Variants in NRP2 observed in about 807,000 individuals in gnomAD.
The protein encoded by NRP2 is neuropilin-2.
Under a neutral mutation model 110.4 loss-of-function variants are expected in NRP2, and 52 were observed. The ratio of observed to expected loss-of-function variants is 0.47; its 90% CI spans 0.38 to 0.59. NRP2 has a LOEUF of 0.59. Among genes scored for constraint, NRP2 ranks in the 20% least tolerant of loss-of-function variants. The pLI, the probability that NRP2 is intolerant of heterozygous loss-of-function variation, is 0.00. For missense variants in NRP2, 1,049 were observed against 1,203.0 expected, an observed-to-expected ratio of 0.87 and a Z score of 1.89; for synonymous variants, 508 against 468.9, an observed-to-expected ratio of 1.08 and a Z score of -1.08.
At chr2:205,685,272 G>A (rs2056121094) in intron 1 of NRP2, among the ~76,000 whole-genome samples, 1 of 152,224 alleles carries the variant, frequency 6.6e-6, no homozygotes. Flanking sequence ...GGATCTCAGG[G>A]TGGGATTCGA....
intron 5 of NRP2, 137 bp downstream of exon 5, chr2:205,724,077 G>A (rs1024985175): frequency 2.8e-5 from 26 of 913,858 alleles, no homozygotes; most frequent in Admixed American, 1.0e-4. Context: ...GAGTTTAGAG[G>A]TGCCCACATC....
At chr2:205,691,575 T>A (rs1377555915) in intron 1 of NRP2, among the ~76,000 whole-genome samples, 2 of 152,260 alleles carry the variant, frequency 1.3e-5, no homozygotes, top group African/African-American at 4.8e-5. Context: ...CATTAATGTT[T>A]CAACATAAGC....
chr2:205,709,083 C>T (rs997290894), intron 2 of NRP2, among the ~76,000 whole-genome samples: 2 of 152,216 alleles, frequency 1.3e-5, no homozygotes, highest in Non-Finnish European at 2.9e-5. Flanking sequence ...AGCTTGAGCA[C>T]CTTGCTATCT....
chr2:205,720,408 G>A (rs2056987246), intron 3 of NRP2, among the ~76,000 whole-genome samples: 1 of 151,916 alleles, frequency 6.6e-6, no homozygotes, highest in Non-Finnish European at 1.5e-5. Context: ...GATGTCCATC[G>A]TGGAAGCACT....
intron 15 of NRP2, chr2:205,776,343 C>T (rs777485563): frequency 6.2e-7 from 1 of 1,613,090 alleles, no homozygotes. Flanking sequence ...CCGGGGGCGC[C>T]GTGCTGGTGC....
intron 7 of NRP2, among the ~76,000 whole-genome samples, chr2:205,729,461 G>A (rs2057193984): frequency 6.6e-6 from 1 of 152,230 alleles, no homozygotes; most frequent in African/African-American, 2.4e-5. Flanking sequence ...GAGCTTGGGG[G>A]CTGAGACCTG....
chr2:205,683,107 G>A lies in NRP2; in HGVS notation c.-184G>A. 1 of 598,426 alleles carries A rather than the reference G, an allele frequency of 1.7e-6. No individual in the cohort carries two copies. The allele number at this position is 598,426 out of a possible 1,614,324, so 37.1% of individuals were successfully genotyped here. A position where few individuals can be genotyped will look rare whatever the true frequency, so the allele number is the denominator to read the frequency against. On this transcript the variant is annotated 5_prime_UTR_variant, in exon 1 of 17. Transcript: ENST00000357785. Reference sequence around the variant, plus strand: ...TGATTTCAGGAGCTACTCTCCTCCTGGTGAGGTGGAAATTCCAGCAAGAAT... The same window carrying A: ...TGATTTCAGGAGCTACTCTCCTCCTAGTGAGGTGGAAATTCCAGCAAGAAT...
chr2:205,789,580 G>A (rs1017620186), intron 15 of NRP2, among the ~76,000 whole-genome samples: 2 of 152,148 alleles, frequency 1.3e-5, no homozygotes, highest in African/African-American at 4.8e-5. Context: ...CCATCCTGTG[G>A]CTGCCATTTC....
At chr2:205,768,727 C>T (rs916447359) in intron 15 of NRP2, among the ~76,000 whole-genome samples, 3 of 152,122 alleles carry the variant, frequency 2.0e-5, no homozygotes, top group African/African-American at 4.8e-5. Context: ...CCTGGTGGGC[C>T]GCTTTGAGGC....
At chr2:205,765,664 T>A in intron 14 of NRP2, 94 bp downstream of exon 14, 1 of 1,082,380 alleles carries the variant, frequency 9.2e-7, no homozygotes, top group Non-Finnish European at 1.4e-6. Flanking sequence ...TCCAATGCAG[T>A]CGTTACCCAG....
At chr2:205,788,515 T>C (rs997833544) in intron 15 of NRP2, among the ~76,000 whole-genome samples, 1 of 152,102 alleles carries the variant, frequency 6.6e-6, no homozygotes, top group East Asian at 1.9e-4. Flanking sequence ...ATGAGCCTGA[T>C]ACGAATGAAT....
chr2:205,771,177 T>C (rs1283366016), intron 15 of NRP2, among the ~76,000 whole-genome samples: 1 of 152,082 alleles, frequency 6.6e-6, no homozygotes, highest in African/African-American at 2.4e-5. Flanking sequence ...GTGGGAGCAA[T>C]CCACATGGTT....
chr2:205,788,639 A>C (rs1323260935), intron 15 of NRP2, among the ~76,000 whole-genome samples: 1 of 152,224 alleles, frequency 6.6e-6, no homozygotes, highest in Admixed American at 6.5e-5. Context: ...TCAATTCCAC[A>C]GTATCCTCCT....
Position 205,743,456 on chromosome 2 carries a change from G to A in NRP2, c.1545G>A (p.Val515=). The A allele has an allele frequency of 6.2e-7, 1 of 1,614,230 alleles. No homozygotes were observed. Among genetic ancestry groups the A allele is most frequent in the Non-Finnish European group, 8.5e-7 (1 of 1,180,046 alleles). The change falls in exon 9 of 17, where the codon GTG becomes GTA. Residue 515 remains valine, a synonymous_variant. Transcript: ENST00000357785. ...GARGGDSITA[V]EARAFVRKFK... is the part of the protein sequence containing the mutation. Reference sequence around the variant, plus strand: ...GCGGAGGAGACAGTATCACTGCTGTGGAAGCCAGAGCATTTGTGCGCAAGT... The same window carrying A: ...GCGGAGGAGACAGTATCACTGCTGTAGAAGCCAGAGCATTTGTGCGCAAGT...
intron 7 of NRP2, among the ~76,000 whole-genome samples, chr2:205,735,736 G>A (rs1456000546): frequency 2.6e-5 from 4 of 151,728 alleles, no homozygotes; most frequent in Non-Finnish European, 4.4e-5. Flanking sequence ...TCAGGTTCTG[G>A]GCTACTGAAA....
chr2:205,690,497 A>G (rs2056287933), intron 1 of NRP2, among the ~76,000 whole-genome samples: 1 of 151,554 alleles, frequency 6.6e-6, no homozygotes, highest in Non-Finnish European at 1.5e-5. Context: ...GCACTTTGGG[A>G]GGAGGAGGTG....
chr2:205,780,604 G>T (rs951947904), intron 15 of NRP2, among the ~76,000 whole-genome samples: 2 of 152,184 alleles, frequency 1.3e-5, no homozygotes, highest in African/African-American at 2.4e-5. Context: ...CCCCATTCAT[G>T]GGATTTATCA....
intron 3 of NRP2, among the ~76,000 whole-genome samples, chr2:205,717,790 G>A (rs776775765): frequency 2.0e-5 from 3 of 152,342 alleles, no homozygotes; most frequent in Admixed American, 6.5e-5. Flanking sequence ...CTCTGCTGCC[G>A]AGCAGTGGGG....
chr2:205,742,882 C>A (rs1363343618), intron 8 of NRP2, among the ~76,000 whole-genome samples: 1 of 152,168 alleles, frequency 6.6e-6, no homozygotes, highest in Non-Finnish European at 1.5e-5. Context: ...TAGTAACTAA[C>A]AGAATCCTTG....
Sources: gnomAD v4.1 joint callset for allele counts (sites outside exome capture counted in the v4.1 genomes callset) on GRCh38, gnomAD v4.1.1 for gene constraint, MANE v1.5 for transcripts, NCBI Gene and HGNC (gene_info 2026-07-23, HGNC 2026-07-21) for gene names.